FBXL7: variants seen among roughly 807,000 people sequenced by gnomAD.
The protein encoded by FBXL7 is F-box and leucine rich repeat protein 7.
A neutral mutation model predicts 38.3 loss-of-function variants in FBXL7; 12 were observed. That is an observed-to-expected ratio of 0.31 (90% CI 0.20 to 0.51). The LOEUF (loss-of-function observed/expected upper bound fraction) is 0.51. Among genes scored for constraint, FBXL7 ranks in the 20% least tolerant of loss-of-function variants. The pLI is 0.98. For synonymous variants in FBXL7, 297 were observed against 300.9 expected, an observed-to-expected ratio of 0.99 and a Z score of 0.13; for missense variants, 567 against 676.4, an observed-to-expected ratio of 0.84 and a Z score of 1.79.
chr5:15,816,660 G>A (rs1292022599), intron 2 of FBXL7, among the ~76,000 whole-genome samples: 8 of 152,074 alleles, frequency 5.3e-5, no homozygotes, highest in Non-Finnish European at 1.2e-4. Context: ...AAATTAACTG[G>A]TGGAAATAAA....
intron 1 of FBXL7, among the ~76,000 whole-genome samples, chr5:15,590,506 C>T (rs912476118): frequency 6.6e-6 from 1 of 152,044 alleles, no homozygotes; most frequent in Admixed American, 6.5e-5. Context: ...ACCTCTACCT[C>T]CCACCTCCTT....
intron 1 of FBXL7, among the ~76,000 whole-genome samples, chr5:15,526,828 G>A (rs1348013224): frequency 6.6e-6 from 1 of 152,194 alleles, no homozygotes; most frequent in Non-Finnish European, 1.5e-5. Context: ...AGCACAACTT[G>A]TTGCTTCCTG....
intron 2 of FBXL7, among the ~76,000 whole-genome samples, chr5:15,753,131 C>G (rs540355603): frequency 1.3e-5 from 2 of 152,098 alleles, no homozygotes; most frequent in East Asian, 3.9e-4. Context: ...AGGGAGCAGG[C>G]GGGGGCTGGA....
At chr5:15,650,740 AG>A (rs1211222180) in intron 2 of FBXL7, among the ~76,000 whole-genome samples, 2 of 152,242 alleles carry the variant, frequency 1.3e-5, no homozygotes. Context: ...TTCCATGTCA[AG>A]AAACCACTTT....
chr5:15,628,294 A>G (rs1267484216), intron 2 of FBXL7, among the ~76,000 whole-genome samples: 1 of 151,962 alleles, frequency 6.6e-6, no homozygotes, highest in Non-Finnish European at 1.5e-5. Context: ...TCTGCCCAGA[A>G]GAGAGATTCT....
chr5:15,692,017 CT>C (rs2126623132), intron 2 of FBXL7, among the ~76,000 whole-genome samples: 1 of 152,222 alleles, frequency 6.6e-6, no homozygotes, highest in South Asian at 2.1e-4. Flanking sequence ...TGTGCCGTGG[CT>C]GAGCGTCTGC....
chr5:15,725,960 G>A (rs1037471125), intron 2 of FBXL7, among the ~76,000 whole-genome samples: 9 of 152,070 alleles, frequency 5.9e-5, no homozygotes, highest in Non-Finnish European at 1.2e-4. Context: ...ATTGAGAGTA[G>A]GGTATTCAAG....
rs1349087932 is a variant in FBXL7, at chr5:15,846,343, T to TA, written c.128-81542dup. On this transcript the variant is annotated intron_variant, in intron 2 of 3. Transcript: ENST00000504595. Reference sequence around the variant, plus strand: ...TTATTTCACTATTATATATTTGTTATAAAAATCTCTCCATGGCAAAAAGAG... The same window carrying TA: ...TTATTTCACTATTATATATTTGTTATAAAAAATCTCTCCATGGCAAAAAGAG... 3.9e-5 allele frequency among the ~76,000 whole-genome samples: 6 copies of TA among 152,338 alleles called. No homozygotes were observed. In the East Asian group the frequency reaches 1.2e-3, roughly 29 times the overall value.
intron 2 of FBXL7, among the ~76,000 whole-genome samples, chr5:15,625,527 A>G (rs993986251): frequency 1.3e-5 from 2 of 152,104 alleles, no homozygotes; most frequent in Non-Finnish European, 1.5e-5. Context: ...AGTGGCATGC[A>G]TCTGTAATTT....
At chr5:15,600,410 G>A (rs1423247414) in intron 1 of FBXL7, among the ~76,000 whole-genome samples, 7 of 152,180 alleles carry the variant, frequency 4.6e-5, no homozygotes, top group Admixed American at 4.6e-4. Context: ...TTCCTGTCAT[G>A]GCTGGGAAAT....
At chr5:15,645,289 C>G (rs562024392) in intron 2 of FBXL7, among the ~76,000 whole-genome samples, 7 of 152,258 alleles carry the variant, frequency 4.6e-5, no homozygotes, top group African/African-American at 1.7e-4. Flanking sequence ...TTAGGGCCAA[C>G]CTGCCTCCCA....
chr5:15,514,188 T>C (rs2126361363), intron 1 of FBXL7, among the ~76,000 whole-genome samples: 1 of 152,304 alleles, frequency 6.6e-6, no homozygotes, highest in East Asian at 1.9e-4. Flanking sequence ...GGAGCATGGG[T>C]AATAAAGATA....
At chr5:15,565,550 AAATT>A (rs1486006122) in intron 1 of FBXL7, among the ~76,000 whole-genome samples, 2 of 151,098 alleles carry the variant, frequency 1.3e-5, no homozygotes, top group African/African-American at 2.4e-5. Flanking sequence ...TTATATATAT[AAATT>A]AATAATTGTG....
chr5:15,799,602 T>A (rs1351498299), intron 2 of FBXL7, among the ~76,000 whole-genome samples: 1 of 152,136 alleles, frequency 6.6e-6, no homozygotes, highest in Non-Finnish European at 1.5e-5. Context: ...CCTCAGGTGA[T>A]CCACCAGCCT....
chr5:15,619,129 G>T (rs1027814872), intron 2 of FBXL7, among the ~76,000 whole-genome samples: 1 of 152,182 alleles, frequency 6.6e-6, no homozygotes, highest in Non-Finnish European at 1.5e-5. Flanking sequence ...AGCATGCGCA[G>T]TGTGTTTAGG....
At chr5:15,825,367 A>G (rs894426549) in intron 2 of FBXL7, among the ~76,000 whole-genome samples, 9 of 152,242 alleles carry the variant, frequency 5.9e-5, no homozygotes, top group Middle Eastern at 3.4e-3. Context: ...CAGTAAAACC[A>G]TCTTTATTTG....
intron 1 of FBXL7, among the ~76,000 whole-genome samples, chr5:15,520,674 A>G (rs1316053078): frequency 6.6e-6 from 1 of 152,234 alleles, no homozygotes; most frequent in Non-Finnish European, 1.5e-5. Context: ...CTAACGGGAA[A>G]TATTTCCGAT....
In FBXL7 at chr5:15,657,884, C is replaced by G. The variant is rs571021801; in HGVS notation, c.127+41812C>G. On this transcript the variant is annotated intron_variant, in intron 2 of 3. Transcript: ENST00000504595. ...AATGGACATTTAAAATATTTGCTGA[C>G]TAGGGAGCAACTTTTGAATCCCTTC... Among the ~76,000 whole-genome samples the G allele has an allele frequency of 4.1e-4, 63 of 151,962 alleles. 1 individual carries two copies. The highest frequency in any genetic ancestry group is 1.5e-3 in the African/African-American group (61 of 41,450).
chr5:15,570,127 C>T (rs925239594), intron 1 of FBXL7, among the ~76,000 whole-genome samples: 1 of 152,182 alleles, frequency 6.6e-6, no homozygotes, highest in Non-Finnish European at 1.5e-5. Flanking sequence ...GGAGGATTCC[C>T]TCTTTTTCTA....
Sources: gnomAD v4.1 joint callset for allele counts (sites outside exome capture counted in the v4.1 genomes callset) on GRCh38, gnomAD v4.1.1 for gene constraint, MANE v1.5 for transcripts, NCBI Gene and HGNC (gene_info 2026-07-23, HGNC 2026-07-21) for gene names.